XPR1: variants seen among roughly 807,000 people sequenced by gnomAD.
The protein encoded by XPR1 is xenotropic and polytropic retrovirus receptor 1, also known as solute carrier family 53 member 1.
In XPR1, 28 loss-of-function variants were observed where a neutral mutation model predicts 87.5. The observed-to-expected ratio is 0.32, with a 90% CI of 0.24 to 0.44. The LOEUF (loss-of-function observed/expected upper bound fraction) is 0.44. Ranked by LOEUF, XPR1 falls within the 20% of genes least tolerant of loss-of-function variation. XPR1 has a pLI of 1.00. For synonymous variants in XPR1, 300 were observed against 306.1 expected (o/e 0.98, Z 0.21); for missense variants, 559 against 862.3 (o/e 0.65, Z 4.41).
At chr1:180,829,364 A>G (rs1338495896) in intron 9 of XPR1, among the ~76,000 whole-genome samples, 1 of 152,206 alleles carries the variant, frequency 6.6e-6, no homozygotes, top group African/African-American at 2.4e-5. Flanking sequence ...ACAGGGTAGA[A>G]GTGGAGAAGT....
chr1:180,686,964 A>G (rs1656802342), intron 2 of XPR1, among the ~76,000 whole-genome samples: 1 of 152,172 alleles, frequency 6.6e-6, no homozygotes, highest in Non-Finnish European at 1.5e-5. Flanking sequence ...ACTGAATTTT[A>G]GACTATAATA....
At chr1:180,793,690 TCTTG>T (rs1190689852) in intron 3 of XPR1, among the ~76,000 whole-genome samples, 1 of 152,152 alleles carries the variant, frequency 6.6e-6, no homozygotes, top group Non-Finnish European at 1.5e-5. Flanking sequence ...AAGCAGCCAC[TCTTG>T]CTTGCTTTGT....
At chr1:180,674,786 T>C (rs1408878576) in intron 1 of XPR1, among the ~76,000 whole-genome samples, 1 of 152,236 alleles carries the variant, frequency 6.6e-6, no homozygotes, top group Non-Finnish European at 1.5e-5. Flanking sequence ...CACTCTGTTA[T>C]GCTGCCTCAC....
intron 2 of XPR1, among the ~76,000 whole-genome samples, chr1:180,710,584 C>G (rs1657729239): frequency 6.6e-6 from 1 of 152,006 alleles, no homozygotes; most frequent in African/African-American, 2.4e-5. Context: ...AAAATGGAGT[C>G]TCCTATGTCC....
chr1:180,844,860 T>A (rs1651625438), intron 11 of XPR1, among the ~76,000 whole-genome samples: 1 of 152,218 alleles, frequency 6.6e-6, no homozygotes, highest in African/African-American at 2.4e-5. Context: ...AGCCTCTGCT[T>A]GCTTCATATC....
At chr1:180,703,495 C>T (rs113837371) in intron 2 of XPR1, among the ~76,000 whole-genome samples, 2,538 of 152,160 alleles carry the variant, frequency 0.017, 73 homozygotes, top group African/African-American at 0.056. Context: ...CAGGGCAGAC[C>T]TCTTCTCAGG....
chr1:180,840,730 A>G (rs1571886603), intron 11 of XPR1, among the ~76,000 whole-genome samples: 1 of 152,062 alleles, frequency 6.6e-6, no homozygotes, highest in East Asian at 1.9e-4. Context: ...TTAAATATTC[A>G]TATCACTAAA....
intron 2 of XPR1, among the ~76,000 whole-genome samples, chr1:180,770,336 G>T (rs1483337023): frequency 1.3e-5 from 2 of 152,180 alleles, no homozygotes; most frequent in African/African-American, 4.8e-5. Flanking sequence ...GTTGGTTCTG[G>T]TGAGGGCTTC....
chr1:180,857,631 C>A lies in XPR1; in HGVS notation c.1502-6077C>A, dbSNP rs1439667083. Among the ~76,000 whole-genome samples the A allele has an allele frequency of 2.0e-5, 3 of 152,118 alleles. No homozygotes were observed. In the East Asian group the frequency reaches 5.8e-4, roughly 29 times the overall value. The stretch of plus-strand genomic sequence containing the variant: ...GGCTTATTGATTCCTTTTCTATGCA[C>A]AGTTCCAGAACTGTACCTATACATT... On this transcript the variant is annotated intron_variant, in intron 11 of 14. Coordinates refer to ENST00000367590, the MANE Select transcript of XPR1 (RefSeq NM_004736.4).
intron 2 of XPR1, among the ~76,000 whole-genome samples, chr1:180,697,924 C>G (rs1188889948): frequency 6.6e-6 from 1 of 152,060 alleles, no homozygotes; most frequent in Non-Finnish European, 1.5e-5. Context: ...TATTCTGCAC[C>G]TGTTGGGTGA....
At chr1:180,707,377 CTCTATGTA>C (rs1657595334) in intron 2 of XPR1, among the ~76,000 whole-genome samples, 2 of 152,184 alleles carry the variant, frequency 1.3e-5, no homozygotes, top group African/African-American at 4.8e-5. Context: ...TGTTGCTCCC[CTCTATGTA>C]TCTATGTATT....
At chr1:180,835,089 A>C in intron 10 of XPR1, 44 bp downstream of exon 10, 2 of 1,582,996 alleles carry the variant, frequency 1.3e-6, no homozygotes, top group South Asian at 2.3e-5. Flanking sequence ...CGCTGGTGTA[A>C]ACCAAGATAT....
At chr1:180,714,245 CCTT>C (rs557300072) in intron 2 of XPR1, among the ~76,000 whole-genome samples, 161 of 119,710 alleles carry the variant, frequency 1.3e-3, no homozygotes, top group African/African-American at 4.6e-3. Flanking sequence ...CCTTCCTCCT[CCTT>C]CTCATCCTTC....
At chr1:180,862,423 C>T (rs771114125) in intron 11 of XPR1, among the ~76,000 whole-genome samples, 17 of 152,078 alleles carry the variant, frequency 1.1e-4, no homozygotes, top group Non-Finnish European at 2.2e-4. Context: ...TCTGCCTTCT[C>T]AGTATCTTCC....
chr1:180,889,808 C>G lies in XPR1; in HGVS notation c.*5742C>G, dbSNP rs1653129976. ...CTATTTGTGTTTCCTTCACCCCTCTCCCTCCACCACACTGTGTTGGTCAAA... is the reference window on the plus strand; with the variant it reads ...CTATTTGTGTTTCCTTCACCCCTCTGCCTCCACCACACTGTGTTGGTCAAA... On this transcript the variant is annotated 3_prime_UTR_variant, in exon 15 of 15. Coordinates refer to ENST00000367590, the MANE Select transcript of XPR1 (RefSeq NM_004736.4). The G allele has an allele frequency of 6.6e-6, 1 of 152,218 alleles. No homozygotes were observed. The highest frequency in any genetic ancestry group is 1.5e-5 in the Non-Finnish European group (1 of 68,048). The allele number at this position is 152,218 out of a possible 1,614,324, so 9.4% of individuals were successfully genotyped here. A position where few individuals can be genotyped will look rare whatever the true frequency, so the allele number is the denominator to read the frequency against.
At chr1:180,718,570 C>T (rs1265636591) in intron 2 of XPR1, among the ~76,000 whole-genome samples, 1 of 151,710 alleles carries the variant, frequency 6.6e-6, no homozygotes, top group Non-Finnish European at 1.5e-5. Context: ...TGTGGTTGCA[C>T]ATTAGAATCA....
At chr1:180,797,094 T>C (rs991092665) in intron 3 of XPR1, among the ~76,000 whole-genome samples, 2 of 152,172 alleles carry the variant, frequency 1.3e-5, no homozygotes, top group African/African-American at 4.8e-5. Context: ...TTATGATGAT[T>C]GCACAACTCT....
At chr1:180,714,354 T>TCC (rs1212993580) in intron 2 of XPR1, among the ~76,000 whole-genome samples, 1 of 50,386 alleles carries the variant, frequency 2.0e-5, no homozygotes, top group Non-Finnish European at 3.6e-5. Flanking sequence ...CCCTGTTCTC[T>TCC]CTCTCTCTCT....
chr1:180,764,683 T>C (rs907490748), intron 2 of XPR1, among the ~76,000 whole-genome samples: 1 of 151,986 alleles, frequency 6.6e-6, no homozygotes, highest in Non-Finnish European at 1.5e-5. Context: ...TTGCCCAGGC[T>C]GGTCTTAAAC....
Sources: gnomAD v4.1 joint callset for allele counts (sites outside exome capture counted in the v4.1 genomes callset) on GRCh38, gnomAD v4.1.1 for gene constraint, MANE v1.5 for transcripts, NCBI Gene and HGNC (gene_info 2026-07-23, HGNC 2026-07-21) for gene names.